Variants in PPTC7 observed in about 807,000 individuals in gnomAD.
The protein encoded by PPTC7 is protein phosphatase PTC7 homolog.
A neutral mutation model predicts 30.8 loss-of-function variants in PPTC7; 6 were observed. That is an observed-to-expected ratio of 0.19 (90% CI 0.11 to 0.38). The LOEUF (loss-of-function observed/expected upper bound fraction) is 0.38. Among genes scored for constraint, PPTC7 ranks in the 10% least tolerant of loss-of-function variants. PPTC7 has a pLI of 1.00. For missense variants in PPTC7, 218 were observed against 404.8 expected (o/e 0.54, Z 3.96); for synonymous variants, 163 against 168.1 (o/e 0.97, Z 0.23).
rs369845862 is a variant in PPTC7, at chr12:110,562,233, G to A, written c.224-10265C>T. Among the ~76,000 whole-genome samples, 13 of 127,932 alleles carry A rather than the reference G, an allele frequency of 1.0e-4. No individual in the cohort carries two copies. The East Asian group carries it at 2.4e-3, about 23-fold the overall frequency. 83.9% of individuals were successfully genotyped at this position (127,932 alleles called of 152,430 possible). A position where few individuals can be genotyped will look rare whatever the true frequency, so the allele number is the denominator to read the frequency against. ...CCAGGAGGCGGAGGTTGCACAGGGA[G>A]CTGAGATCGCACCACTGCACTCCAG... On this transcript the variant is annotated intron_variant, in intron 1 of 5. Transcript: ENST00000354300.
At chr12:110,548,106 CAAA>C (rs779977311) in intron 2 of PPTC7, among the ~76,000 whole-genome samples, 4 of 109,694 alleles carry the variant, frequency 3.6e-5, no homozygotes, top group Admixed American at 9.6e-5. Context: ...GACTCTGTCT[CAAA>C]AAAAAAAAAA....
intron 3 of PPTC7, among the ~76,000 whole-genome samples, chr12:110,544,130 CTTTTACT>C (rs2064286583): frequency 1.3e-5 from 2 of 152,154 alleles, no homozygotes; most frequent in South Asian, 4.1e-4. Flanking sequence ...CACCCGCCTA[CTTTTACT>C]TTTTACTTTT....
At chr12:110,582,581 C>T (rs146453023) in intron 1 of PPTC7, among the ~76,000 whole-genome samples, 2 of 152,344 alleles carry the variant, frequency 1.3e-5, no homozygotes, top group Admixed American at 6.5e-5. Flanking sequence ...CTTGAGCACA[C>T]GACTTGACCG....
At chr12:110,564,348 C>T (rs1456320496) in intron 1 of PPTC7, among the ~76,000 whole-genome samples, 1 of 152,180 alleles carries the variant, frequency 6.6e-6, no homozygotes, top group African/African-American at 2.4e-5. Context: ...GAAAATGTCA[C>T]ATAATACCAA....
At chr12:110,540,410 C>A (rs2064250355) in intron 3 of PPTC7, among the ~76,000 whole-genome samples, 1 of 150,636 alleles carries the variant, frequency 6.6e-6, no homozygotes. Context: ...CAACCTCTGC[C>A]TCTTGGGTTC....
chr12:110,581,413 G>GA lies in PPTC7; in HGVS notation c.223+1395dup, dbSNP rs796539590. ...TGAGTGACAGAGGTAGACTCCGTCT[G>GA]AAAAAAAAAAACGCAGCACAGGTCA... On this transcript the variant is annotated intron_variant, in intron 1 of 5. Coordinates refer to ENST00000354300, the MANE Select transcript of PPTC7 (RefSeq NM_139283.2). Among the ~76,000 whole-genome samples, 1,287 of 143,806 alleles carry GA rather than the reference G, an allele frequency of 8.9e-3. 2 individuals carry two copies. The highest frequency in any genetic ancestry group is 0.013 in the South Asian group (58 of 4,514). 94.3% of individuals were successfully genotyped at this position (143,806 alleles called of 152,430 possible). A position where few individuals can be genotyped will look rare whatever the true frequency, so the allele number is the denominator to read the frequency against.
intron 3 of PPTC7, among the ~76,000 whole-genome samples, chr12:110,542,552 T>C (rs570957478): frequency 2.4e-4 from 36 of 151,704 alleles, no homozygotes; most frequent in Middle Eastern, 3.4e-3. Flanking sequence ...ACACCTGTAA[T>C]TCCAGCTACT....
chr12:110,575,111 T>C (rs191902577), intron 1 of PPTC7, among the ~76,000 whole-genome samples: 28 of 152,056 alleles, frequency 1.8e-4, no homozygotes, highest in Non-Finnish European at 3.7e-4. Flanking sequence ...TTTTAAAATA[T>C]ATGACGACTC....
At chr12:110,537,554 CAT>C (rs2064228484) in intron 5 of PPTC7, among the ~76,000 whole-genome samples, 1 of 152,298 alleles carries the variant, frequency 6.6e-6, no homozygotes, top group South Asian at 2.1e-4. Context: ...TTTCACATGT[CAT>C]AAAATTATAC....
intron 3 of PPTC7, among the ~76,000 whole-genome samples, chr12:110,542,946 G>T (rs1422122262): frequency 4.6e-5 from 7 of 152,182 alleles, no homozygotes; most frequent in Admixed American, 4.6e-4. Context: ...CTGGTTCTTG[G>T]CGACTTCTTA....
chr12:110,583,178 G>T lies in PPTC7; in HGVS notation c.-147C>A. 1 of 359,502 alleles carries T rather than the reference G, an allele frequency of 2.8e-6. No individual in the cohort carries two copies. The highest frequency in any genetic ancestry group is 1.2e-4 in the South Asian group (1 of 8,034). The allele number at this position is 359,502 out of a possible 1,614,324, so 22.3% of individuals were successfully genotyped here. ...GCAGTGGCCGCCGCCGCCCCTGCCC[G>T]ACGCGCGGGGCCTCGCACGCGCTCA... On this transcript the variant is annotated 5_prime_UTR_variant, in exon 1 of 6. Coordinates refer to ENST00000354300, the MANE Select transcript of PPTC7 (RefSeq NM_139283.2).
chr12:110,534,920 G>A lies in PPTC7; in HGVS notation c.*2117C>T, dbSNP rs186836759. 4.6e-4 allele frequency: 70 copies of A among 152,710 alleles called. 1 individual carries two copies. Among genetic ancestry groups the A allele is most frequent in the Admixed American group, 3.9e-3 (59 of 15,290 alleles). 9.5% of individuals were successfully genotyped at this position (152,710 alleles called of 1,614,324 possible). A position where few individuals can be genotyped will look rare whatever the true frequency, so the allele number is the denominator to read the frequency against. On this transcript the variant is annotated 3_prime_UTR_variant, in exon 6 of 6. Transcript: ENST00000354300. ...CTCTTACCAGGAATTAAATGTAGGC[G>A]TTGGAAAATGAATGCAAAATATATC...
At chr12:110,574,142 A>T (rs796843227) in intron 1 of PPTC7, among the ~76,000 whole-genome samples, 69 of 17,292 alleles carry the variant, frequency 4.0e-3, no homozygotes, top group African/African-American at 8.3e-3. Context: ...CACAATAATT[A>T]AAAAAAAAAA....
chr12:110,535,874 A>C lies in PPTC7; in HGVS notation c.*1163T>G, dbSNP rs1349341957. On this transcript the variant is annotated 3_prime_UTR_variant, in exon 6 of 6. Transcript: ENST00000354300. ...TACACTGCAAAATGGCTATTTGGAAACTGTAAACATTAAGCTTGATTCAGA... is the reference window on the plus strand; with the variant it reads ...TACACTGCAAAATGGCTATTTGGAACCTGTAAACATTAAGCTTGATTCAGA... The C allele has an allele frequency of 6.6e-6, 1 of 152,654 alleles. No individual in the cohort carries two copies. Among genetic ancestry groups the C allele is most frequent in the Non-Finnish European group, 1.5e-5 (1 of 68,030 alleles). The allele number at this position is 152,654 out of a possible 1,614,324, so 9.5% of individuals were successfully genotyped here. A position where few individuals can be genotyped will look rare whatever the true frequency, so the allele number is the denominator to read the frequency against.
At position 110,539,943 on chromosome 12, in the gene PPTC7, G is replaced by A. The variant is rs1302731279; in HGVS notation, c.605C>T (p.Pro202Leu). The A allele has an allele frequency of 1.9e-6, 3 of 1,613,632 alleles. No individual in the cohort carries two copies. The highest frequency in any genetic ancestry group is 2.5e-6 in the Non-Finnish European group (3 of 1,179,850). The change falls in exon 4 of 6, where the codon CCG (proline) becomes CTG (leucine). Residue 202 changes from proline to leucine, a missense_variant and splice_region_variant. Physicochemically the swap from Pro to Leu is moderately conservative, Grantham distance 98. Coordinates refer to ENST00000354300, the MANE Select transcript of PPTC7 (RefSeq NM_139283.2). ...EAEGVVLSDS[P>L]DAADSTSFDV... ...GAAAGACGTGCTATCAGCAGCATCC[G>A]GACTGTGGCAAGGACAGGGGAGGGA... is the stretch of plus-strand genomic sequence containing the variant.
chr12:110,574,297 A>G (rs2064568989), intron 1 of PPTC7, among the ~76,000 whole-genome samples: 1 of 152,058 alleles, frequency 6.6e-6, no homozygotes, highest in Admixed American at 6.6e-5. Context: ...TTAAGTGGAG[A>G]TAAGAGCAGC....
At chr12:110,540,611 C>A (rs2064251690) in intron 3 of PPTC7, among the ~76,000 whole-genome samples, 1 of 151,976 alleles carries the variant, frequency 6.6e-6, no homozygotes, top group Admixed American at 6.6e-5. Context: ...CCCGGCCTCC[C>A]AAAGTGCTGG....
chr12:110,539,762 T>C, intron 4 of PPTC7, 60 bp downstream of exon 4: 6 of 1,541,002 alleles, frequency 3.9e-6, no homozygotes, highest in Non-Finnish European at 5.3e-6. Context: ...ACTGAATCCA[T>C]AAAACTCAGC....
chr12:110,579,996 A>G (rs1316658055), intron 1 of PPTC7, among the ~76,000 whole-genome samples: 7 of 151,846 alleles, frequency 4.6e-5, no homozygotes, highest in Non-Finnish European at 1.0e-4. Context: ...CTGGGCAACA[A>G]GAGCGAAACT....
Sources: gnomAD v4.1 joint callset for allele counts (sites outside exome capture counted in the v4.1 genomes callset) on GRCh38, gnomAD v4.1.1 for gene constraint, MANE v1.5 for transcripts, NCBI Gene and HGNC (gene_info 2026-07-23, HGNC 2026-07-21) for gene names.